TTC3: variants seen among roughly 807,000 people sequenced by gnomAD.
TTC3 encodes E3 ubiquitin-protein ligase TTC3.
Under a neutral mutation model 249.6 loss-of-function variants are expected in TTC3, and 180 were observed. The observed-to-expected ratio is 0.72, with a 90% CI of 0.64 to 0.82. The LOEUF is 0.82. TTC3 is among the 40% of genes least tolerant of loss of function. The probability of loss-of-function intolerance (pLI) is 0.00; values close to 1 mark genes in which losing one functional copy is unlikely to be tolerated. For synonymous variants in TTC3, 717 were observed against 805.0 expected, an observed-to-expected ratio of 0.89 and a Z score of 1.85; for missense variants, 2,061 against 2,398.4, an observed-to-expected ratio of 0.86 and a Z score of 2.94.
intron 30 of TTC3, among the ~76,000 whole-genome samples, chr21:37,161,078 T>C (rs2080696627): frequency 6.9e-6 from 1 of 145,324 alleles, no homozygotes; most frequent in Non-Finnish European, 1.5e-5. Flanking sequence ...TTATTGTCTT[T>C]TTTATTTTTC....
chr21:37,080,707 T>C (rs2071521483), intron 1 of TTC3, among the ~76,000 whole-genome samples: 1 of 152,218 alleles, frequency 6.6e-6, no homozygotes, highest in African/African-American at 2.4e-5. Context: ...TATTGTGATC[T>C]TCTCTAAGTT....
At chr21:37,079,949 T>A (rs1340224940) in intron 1 of TTC3, among the ~76,000 whole-genome samples, 1 of 152,316 alleles carries the variant, frequency 6.6e-6, no homozygotes, top group Admixed American at 6.5e-5. Flanking sequence ...TAAAAGTTTG[T>A]CCATTTTTAA....
intron 35 of TTC3, among the ~76,000 whole-genome samples, chr21:37,178,387 A>G (rs1452694694): frequency 6.6e-6 from 1 of 152,158 alleles, no homozygotes; most frequent in Non-Finnish European, 1.5e-5. Context: ...CGTATGAGGA[A>G]CTGCGAGCCT....
At chr21:37,162,515 A>G (rs1195965828) in intron 31 of TTC3, among the ~76,000 whole-genome samples, 3 of 152,236 alleles carry the variant, frequency 2.0e-5, no homozygotes, top group Non-Finnish European at 2.9e-5. Context: ...TCTGGTTGTC[A>G]AAACTGAGTT....
intron 38 of TTC3, among the ~76,000 whole-genome samples, chr21:37,187,403 A>G (rs1170139587): frequency 6.6e-6 from 1 of 152,202 alleles, no homozygotes; most frequent in Non-Finnish European, 1.5e-5. Context: ...CTTATTTACC[A>G]TTATAATTCA....
intron 15 of TTC3, among the ~76,000 whole-genome samples, chr21:37,126,362 A>G (rs1180504588): frequency 6.6e-6 from 1 of 152,218 alleles, no homozygotes; most frequent in East Asian, 1.9e-4. Context: ...AATAAAAGGA[A>G]AGGAAAAGAT....
intron 27 of TTC3, among the ~76,000 whole-genome samples, chr21:37,155,827 G>A (rs937819829): frequency 3.7e-4 from 57 of 152,294 alleles, no homozygotes; most frequent in African/African-American, 1.2e-3. Flanking sequence ...TTTGTAGAGA[G>A]GGGTGAGGAC....
intron 1 of TTC3, chr21:37,082,823 A>T (rs2071887744): frequency 2.1e-6 from 2 of 967,376 alleles, no homozygotes; most frequent in East Asian, 2.3e-4. Context: ...TTTAATATTT[A>T]ATTTTAGTAG....
chr21:37,177,435 A>T (rs933313129), intron 35 of TTC3, among the ~76,000 whole-genome samples: 3 of 152,150 alleles, frequency 2.0e-5, no homozygotes, highest in African/African-American at 7.2e-5. Flanking sequence ...TGAAGGATGG[A>T]GCTATGAATG....
intron 7 of TTC3, chr21:37,093,360 CAA>C (rs934802139): frequency 5.5e-5 from 5 of 91,068 alleles, no homozygotes; most frequent in Admixed American, 1.9e-4. Context: ...GTCTGGGCAA[CAA>C]GAGTGAAACT....
At chr21:37,200,116 G>A in intron 44 of TTC3, 116 bp from the exon 45 acceptor site, 1 of 798,716 alleles carries the variant, frequency 1.3e-6, no homozygotes, top group South Asian at 2.1e-5. Context: ...CTGTAATTGT[G>A]AATAATTTGC....
intron 8 of TTC3, among the ~76,000 whole-genome samples, chr21:37,094,874 C>G (rs1361457727): frequency 6.6e-6 from 1 of 152,040 alleles, no homozygotes; most frequent in Non-Finnish European, 1.5e-5. Flanking sequence ...TGGCTCACAC[C>G]TGTAGTCCCA....
At chr21:37,183,999 A>T (rs1363321235) in intron 36 of TTC3, among the ~76,000 whole-genome samples, 1 of 152,162 alleles carries the variant, frequency 6.6e-6, no homozygotes, top group African/African-American at 2.4e-5. Context: ...ATATGATCAG[A>T]TGACTTTCAT....
rs181846599 is a variant in TTC3 at position 37,181,587 on chromosome 21, C to T, written c.4618-1187C>T. 2.0e-3 allele frequency among the ~76,000 whole-genome samples: 305 copies of T among 152,336 alleles called. 2 individuals carry two copies. The highest frequency in any genetic ancestry group is 3.3e-3 in the Admixed American group (51 of 15,306). On this transcript the variant is annotated intron_variant, in intron 35 of 45. Transcript: ENST00000355666. Reference sequence around the variant, plus strand: ...GAACTGGTTCCTATGTTAAAGGGAACATTACTGAGCTGTTGTTCAATTTTT... The same window carrying T: ...GAACTGGTTCCTATGTTAAAGGGAATATTACTGAGCTGTTGTTCAATTTTT...
intron 12 of TTC3, among the ~76,000 whole-genome samples, chr21:37,122,471 A>G (rs1039332996): frequency 4.1e-5 from 6 of 147,400 alleles, no homozygotes; most frequent in Admixed American, 2.1e-4. Context: ...TTATATATAT[A>G]GCAGAAATTG....
At chr21:37,185,813 A>G in intron 37 of TTC3, 39 bp downstream of exon 37, 2 of 1,288,872 alleles carry the variant, frequency 1.6e-6, no homozygotes, top group South Asian at 3.4e-5. Flanking sequence ...ATATTTTAAT[A>G]CTTTTAATGC....
At chr21:37,153,400 T>C (rs2079677198) in intron 27 of TTC3, 123 bp downstream of exon 27, 1 of 974,940 alleles carries the variant, frequency 1.0e-6, no homozygotes, top group Non-Finnish European at 1.4e-6. Context: ...TAAATTTGTA[T>C]GGTTAAGAAT....
intron 21 of TTC3, among the ~76,000 whole-genome samples, chr21:37,145,892 G>A (rs182698824): frequency 1.4e-4 from 21 of 152,214 alleles, no homozygotes; most frequent in Admixed American, 7.9e-4. Flanking sequence ...TGAGAGATTC[G>A]TCGCCATGAC....
intron 28 of TTC3, 135 bp from the exon 29 acceptor site, chr21:37,159,563 CA>C (rs1255096936): frequency 4.2e-5 from 41 of 975,874 alleles, no homozygotes; most frequent in Non-Finnish European, 6.0e-5. Context: ...TTCTAAACTA[CA>C]CTTGTGTCAA....
Sources: gnomAD v4.1 joint callset for allele counts (sites outside exome capture counted in the v4.1 genomes callset) on GRCh38, gnomAD v4.1.1 for gene constraint, MANE v1.5 for transcripts, NCBI Gene and HGNC (gene_info 2026-07-23, HGNC 2026-07-21) for gene names.